ELMO2: variants seen among roughly 807,000 people sequenced by gnomAD.
ELMO2 encodes the protein engulfment and cell motility 2.
A neutral mutation model predicts 96.2 loss-of-function variants in ELMO2; 37 were observed. The ratio of observed to expected loss-of-function variants is 0.38; its 90% CI spans 0.30 to 0.51. ELMO2 has a LOEUF of 0.51. ELMO2 is among the 20% of genes least tolerant of loss of function. The probability of loss-of-function intolerance (pLI) is 0.88; values close to 1 mark genes in which losing one functional copy is unlikely to be tolerated. For synonymous variants in ELMO2, 315 were observed against 329.4 expected (o/e 0.96, Z 0.47); for missense variants, 561 against 912.6 (o/e 0.61, Z 4.96).
chr20:46,386,101 G>C (rs766248606), intron 9 of ELMO2, 23 bp downstream of exon 9: 1 of 1,605,530 alleles, frequency 6.2e-7, no homozygotes, highest in Non-Finnish European at 8.5e-7. Flanking sequence ...TGAAGGGAGG[G>C]AGGTGTAGGG....
rs755958347 is a variant in ELMO2 at position 46,368,924 on chromosome 20, C to T, written c.1929G>A (p.Glu643=). ...LAFSILYDPD[E]TLNFIAPNKY... ...TATTAGGTGCGATGAAGTTTAAGGT[C>T]TCATCAGGGTCATACAGGATGGAGA... Residue 643 remains glutamate, a synonymous_variant, in exon 21 of 22, where the codon GAG becomes GAA. Transcript: ENST00000290246. The T allele has an allele frequency of 3.1e-6, 5 of 1,614,090 alleles. No homozygotes were observed. Among genetic ancestry groups the T allele is most frequent in the Non-Finnish European group, 4.2e-6 (5 of 1,180,038 alleles).
rs781450905 is a variant in ELMO2, at chr20:46,394,472, G to A, written c.11C>T (p.Pro4Leu). The change falls in exon 3 of 22, where the codon CCG (proline) becomes CTG (leucine). Residue 4 changes from proline (P) to leucine (L), a missense_variant. Pro to Leu is a moderately conservative substitution (Grantham distance 98). Transcript: ENST00000290246. ...AATGGCCACTTTGACAATGTCTGAC[G>A]GTGGTGGCATCGTTCCCAATGGGCT... MPP[P>L]SDIVKVAIEW... 6.2e-6 allele frequency: 10 copies of A among 1,614,098 alleles called. No individual in the cohort carries two copies. The highest frequency in any genetic ancestry group is 2.2e-5 in the East Asian group (1 of 44,902).
chr20:46,367,179 T>C lies in ELMO2; in HGVS notation c.*181A>G, dbSNP rs2059600034. 3.7e-6 allele frequency: 2 copies of C among 545,974 alleles called. No individual in the cohort carries two copies. Among genetic ancestry groups the C allele is most frequent in the Non-Finnish European group, 6.2e-6 (2 of 324,066 alleles). 33.8% of individuals were successfully genotyped at this position (545,974 alleles called of 1,614,324 possible). A position where few individuals can be genotyped will look rare whatever the true frequency, so the allele number is the denominator to read the frequency against. Reference sequence around the variant, plus strand: ...AGCACCCTGCCTTCATGACTCTTAGTAGACAGGGACCAAGAGGAAACTCTG... The same window carrying C: ...AGCACCCTGCCTTCATGACTCTTAGCAGACAGGGACCAAGAGGAAACTCTG... On this transcript the variant is annotated 3_prime_UTR_variant, in exon 22 of 22. Transcript: ENST00000290246.
At chr20:46,374,182 T>G in intron 15 of ELMO2, 150 bp downstream of exon 15, 1 of 499,488 alleles carries the variant, frequency 2.0e-6, no homozygotes, top group South Asian at 1.9e-5. Flanking sequence ...GCTCAAGTGA[T>G]CCTCCTGCCT....
intron 5 of ELMO2, 33 bp downstream of exon 5, chr20:46,393,496 G>A: frequency 5.6e-6 from 9 of 1,606,736 alleles, no homozygotes; most frequent in Non-Finnish European, 6.8e-6. Context: ...TCCAAGCAAG[G>A]CCCATATTGA....
intron 11 of ELMO2, chr20:46,376,847 A>C (rs2145785279): frequency 1.6e-6 from 2 of 1,233,166 alleles, no homozygotes; most frequent in Admixed American, 6.0e-5. Context: ...AGCAGCCACT[A>C]GCCATATGCA....
rs542296421 is a variant in ELMO2, at chr20:46,380,311, G to A, written c.757-8C>T. ...AAATGCATTTGCCATATCCTGTGGA[G>A]GAAAATAAGCAAATATAAGGCAGGG... On this transcript the variant is annotated splice_polypyrimidine_tract_variant and splice_region_variant and intron_variant, in intron 10 of 21. Transcript: ENST00000290246. 4 of 1,612,256 alleles carry A rather than the reference G, an allele frequency of 2.5e-6. No individual in the cohort carries two copies. Among genetic ancestry groups the A allele is most frequent in the Admixed American group, 1.7e-5 (1 of 59,968 alleles).
chr20:46,399,167 C>CCT (rs1215473959), intron 1 of ELMO2, among the ~76,000 whole-genome samples: 2 of 152,134 alleles, frequency 1.3e-5, no homozygotes, highest in African/African-American at 4.8e-5. Context: ...TGGCTCTGCA[C>CCT]CTGACCCGCA....
intron 9 of ELMO2, among the ~76,000 whole-genome samples, chr20:46,384,802 A>T (rs897092330): frequency 2.4e-4 from 33 of 138,258 alleles, no homozygotes; most frequent in Non-Finnish European, 4.5e-4. Flanking sequence ...CTACAAAAAT[A>T]AAAAAAAAAA....
At chr20:46,392,153 A>G (rs1031685194) in intron 6 of ELMO2, among the ~76,000 whole-genome samples, 1 of 152,160 alleles carries the variant, frequency 6.6e-6, no homozygotes, top group African/African-American at 2.4e-5. Context: ...TAAAAATTGC[A>G]GACCATACTC....
chr20:46,388,884 T>C (rs990553584), intron 7 of ELMO2, among the ~76,000 whole-genome samples, 155 bp downstream of exon 7: 2 of 152,200 alleles, frequency 1.3e-5, no homozygotes, highest in Non-Finnish European at 2.9e-5. Flanking sequence ...TGGAATTATA[T>C]ATCTTGGTAT....
chr20:46,380,932 C>A (rs2059945211), intron 10 of ELMO2, among the ~76,000 whole-genome samples: 1 of 152,022 alleles, frequency 6.6e-6, no homozygotes, highest in African/African-American at 2.4e-5. Context: ...TTTATTTAGC[C>A]CACCCAGGAA....
rs1314364856 is a variant in ELMO2, at chr20:46,373,386, C to T, written c.1416+13G>A. On this transcript the variant is annotated intron_variant, in intron 16 of 21. Coordinates refer to ENST00000290246, the MANE Select transcript of ELMO2 (RefSeq NM_133171.5). ...TCCTCCCGTGGGCCTCAGAGCAGCC[C>T]GGAGACACTGACCTTGTTGAAGTCC... 13 of 1,613,958 alleles carry T rather than the reference C, an allele frequency of 8.1e-6. No individual in the cohort carries two copies. The highest frequency in any genetic ancestry group is 1.6e-4 in the Middle Eastern group (1 of 6,074).
rs778335561 is a variant in ELMO2 at position 46,371,308 on chromosome 20, A to G, written c.1801+44T>C. ...GCTGGACTAGAACTCCTGTCTCCTG[A>G]CAAGTCCAGCAACCATGACACATCA... On this transcript the variant is annotated intron_variant, in intron 19 of 21. Transcript: ENST00000290246. This position sits in a 1 kb window ranked among gnomAD's most constrained non-coding sequence, Gnocchi z 5.9. 24 of 1,588,146 alleles carry G rather than the reference A, an allele frequency of 1.5e-5. 1 individual carries two copies. The South Asian group carries it at 2.2e-4, about 15-fold the overall frequency.
At chr20:46,405,895 A>C (rs1345304241) in intron 1 of ELMO2, among the ~76,000 whole-genome samples, 1 of 151,428 alleles carries the variant, frequency 6.6e-6, no homozygotes, top group Non-Finnish European at 1.5e-5. Context: ...GAAAGGTTTC[A>C]AAAAAAAAGG....
At chr20:46,400,686 G>A (rs1214747682) in intron 1 of ELMO2, among the ~76,000 whole-genome samples, 1 of 152,240 alleles carries the variant, frequency 6.6e-6, no homozygotes, top group Non-Finnish European at 1.5e-5. Flanking sequence ...CTGACCTGAT[G>A]ACAATTTTAC....
intron 6 of ELMO2, 125 bp from the exon 7 acceptor site, chr20:46,389,345 C>T (rs2060109986): frequency 1.6e-5 from 15 of 929,496 alleles, no homozygotes; most frequent in Non-Finnish European, 1.6e-6. Context: ...TTTCACACAG[C>T]TTAGGAGTTG....
chr20:46,375,573 T>G lies in ELMO2; in HGVS notation c.930+95A>C. 1 of 1,572,208 alleles carries G rather than the reference T, an allele frequency of 6.4e-7. No homozygotes were observed. The highest frequency in any genetic ancestry group is 1.2e-5 in the South Asian group (1 of 86,782). ...TTTTCTAGGGCAGATGCAAACTACT[T>G]CTGCAGACAAAGACCAAGCACAGTG... is the stretch of plus-strand genomic sequence containing the variant. On this transcript the variant is annotated intron_variant, in intron 12 of 21. Transcript: ENST00000290246. The surrounding 1 kb of genome is among the most constrained non-coding windows in gnomAD (Gnocchi z 4.6).
chr20:46,367,960 GC>G (rs894209632), intron 21 of ELMO2, among the ~76,000 whole-genome samples: 1 of 151,512 alleles, frequency 6.6e-6, no homozygotes, highest in Non-Finnish European at 1.5e-5. Context: ...TTTGTGCCCC[GC>G]CCCCCCGAAA....
Sources: allele counts gnomAD v4.1 joint callset (sites outside exome capture counted in the v4.1 genomes callset), GRCh38; gene constraint gnomAD v4.1.1; non-coding constraint Gnocchi (gnomAD v3.1); transcripts MANE v1.5; gene names NCBI Gene and HGNC (gene_info 2026-07-23, HGNC 2026-07-21).